DENND1B: variants seen among roughly 807,000 people sequenced by gnomAD.
The protein encoded by DENND1B is DENN domain containing 1B.
Under a neutral mutation model 90.1 loss-of-function variants are expected in DENND1B, and 59 were observed. The observed-to-expected ratio is 0.65, with a 90% CI of 0.53 to 0.81. The LOEUF (loss-of-function observed/expected upper bound fraction) is 0.81. Among genes scored for constraint, DENND1B ranks in the 40% least tolerant of loss-of-function variants. The probability of loss-of-function intolerance (pLI) is 0.00; values close to 1 mark genes in which losing one functional copy is unlikely to be tolerated. For synonymous variants in DENND1B, 337 were observed against 324.6 expected, an observed-to-expected ratio of 1.04 and a Z score of -0.41; for missense variants, 862 against 912.6, an observed-to-expected ratio of 0.94 and a Z score of 0.71.
chr1:197,583,245 G>GGGCTCGGCCGGGCGCGGT lies in DENND1B; in HGVS notation c.1055_1056insACCGCGCCCGGCCGAGCC (p.Pro352_Ile353insProArgProAlaGluPro). On this transcript the variant is annotated inframe_insertion, in exon 15 of 23. Transcript: ENST00000620048. The stretch of plus-strand genomic sequence containing the variant: ...CAAAACTCTCCTCACAGAAAGTGAT[G>GGGCTCGGCCGGGCGCGGT]GGCTCACCCTAGATAGAAATAAAGA... 1 of 1,613,658 alleles carries GGGCTCGGCCGGGCGCGGT rather than the reference G, an allele frequency of 6.2e-7. No individual in the cohort carries two copies. Among genetic ancestry groups the GGGCTCGGCCGGGCGCGGT allele is most frequent in the Non-Finnish European group, 8.5e-7 (1 of 1,179,736 alleles).
chr1:197,661,985 T>C (rs1654449344), intron 5 of DENND1B, among the ~76,000 whole-genome samples: 2 of 152,098 alleles, frequency 1.3e-5, no homozygotes, highest in African/African-American at 4.8e-5. Context: ...ACAGTTTTTA[T>C]TTGTGCTAGG....
chr1:197,640,963 C>G (rs1165197433), intron 10 of DENND1B, among the ~76,000 whole-genome samples: 2 of 152,124 alleles, frequency 1.3e-5, no homozygotes, highest in Non-Finnish European at 2.9e-5. Context: ...AAACAAAATA[C>G]TACCTCATTG....
At chr1:197,587,576 A>G (rs777823220) in intron 14 of DENND1B, among the ~76,000 whole-genome samples, 5 of 152,272 alleles carry the variant, frequency 3.3e-5, no homozygotes, top group Non-Finnish European at 7.4e-5. Context: ...TTATTTTCAT[A>G]TATCTTATCT....
At chr1:197,723,114 T>C (rs1661329422) in intron 2 of DENND1B, among the ~76,000 whole-genome samples, 1 of 152,176 alleles carries the variant, frequency 6.6e-6, no homozygotes, top group Admixed American at 6.5e-5. Flanking sequence ...GAGCAAATAT[T>C]AGCAAATTCT....
At chr1:197,683,506 C>T (rs1656905638) in intron 3 of DENND1B, among the ~76,000 whole-genome samples, 1 of 151,990 alleles carries the variant, frequency 6.6e-6, no homozygotes, top group Non-Finnish European at 1.5e-5. Flanking sequence ...AGGCACAAAA[C>T]TGAGATATAC....
At position 197,578,920 on chromosome 1, in the gene DENND1B, C is replaced by T. The variant is rs139652755; in HGVS notation, c.1149+4232G>A. ...GCTAGAACTACAGGTGTGCACCACACATCCAGCTAATTTTTGTATTTTTTG... is the reference window on the plus strand; with the variant it reads ...GCTAGAACTACAGGTGTGCACCACATATCCAGCTAATTTTTGTATTTTTTG... On this transcript the variant is annotated intron_variant, in intron 15 of 22. Transcript: ENST00000620048. Among the ~76,000 whole-genome samples the T allele has an allele frequency of 5.6e-3, 859 of 152,058 alleles. 10 individuals are homozygous for T. The highest frequency in any genetic ancestry group is 0.019 in the African/African-American group (803 of 41,452).
rs1667687134 is a variant in DENND1B, at chr1:197,505,477, G to A, written c.*4983C>T. 6.6e-6 allele frequency: 1 copy of A among 150,938 alleles called. No homozygotes were observed. Among genetic ancestry groups the A allele is most frequent in the Admixed American group, 6.6e-5 (1 of 15,120 alleles). The allele number at this position is 150,938 out of a possible 1,614,324, so 9.3% of individuals were successfully genotyped here. A position where few individuals can be genotyped will look rare whatever the true frequency, so the allele number is the denominator to read the frequency against. ...TTCCAATATTTTAAAATAAAAGATT[G>A]AATAACTTTACTTCATTCAACTAAA... is the stretch of plus-strand genomic sequence containing the variant. On this transcript the variant is annotated 3_prime_UTR_variant, in exon 23 of 23. Coordinates refer to ENST00000620048, the MANE Select transcript of DENND1B (RefSeq NM_001195215.2).
chr1:197,528,817 G>A (rs555862303), intron 20 of DENND1B, among the ~76,000 whole-genome samples: 3 of 148,698 alleles, frequency 2.0e-5, no homozygotes, highest in Non-Finnish European at 3.0e-5. Context: ...CCGAGATCCC[G>A]CCACTGCACT....
At chr1:197,581,134 C>T (rs1370067048) in intron 15 of DENND1B, among the ~76,000 whole-genome samples, 2 of 152,070 alleles carry the variant, frequency 1.3e-5, no homozygotes, top group Non-Finnish European at 2.9e-5. Flanking sequence ...TATATTTTTT[C>T]AGCCATATGA....
intron 15 of DENND1B, among the ~76,000 whole-genome samples, chr1:197,553,496 C>A (rs1358225393): frequency 6.6e-6 from 1 of 152,096 alleles, no homozygotes; most frequent in Admixed American, 6.6e-5. Flanking sequence ...ACCCATGGGG[C>A]TCTGTCTTCC....
At chr1:197,637,786 AGAT>A (rs1028948996) in intron 10 of DENND1B, among the ~76,000 whole-genome samples, 1 of 152,186 alleles carries the variant, frequency 6.6e-6, no homozygotes, top group African/African-American at 2.4e-5. Flanking sequence ...TTTCCCTGAG[AGAT>A]GATAACAATT....
rs71286564 is a variant in DENND1B, at chr1:197,592,108, C to CAAAAAA, written c.1047+3094_1047+3099dup. Among the ~76,000 whole-genome samples the CAAAAAA allele has an allele frequency of 2.0e-4, 11 of 55,796 alleles. 1 individual carries two copies. Among genetic ancestry groups the CAAAAAA allele is most frequent in the African/African-American group, 4.2e-4 (5 of 12,032 alleles). 36.6% of individuals were successfully genotyped at this position (55,796 alleles called of 152,430 possible). ...TGGGAGACAGAGTGAGATTCCATCT[C>CAAAAAA]AAAAAAAAAAAAAAAAAAAAGCATC... On this transcript the variant is annotated intron_variant, in intron 14 of 22. Transcript: ENST00000620048.
At chr1:197,730,845 T>C (rs1165820146) in intron 2 of DENND1B, among the ~76,000 whole-genome samples, 1 of 152,108 alleles carries the variant, frequency 6.6e-6, no homozygotes, top group Non-Finnish European at 1.5e-5. Context: ...ACACAAGTTG[T>C]TTAATCAGAA....
At chr1:197,690,908 C>T (rs1471390691) in intron 3 of DENND1B, among the ~76,000 whole-genome samples, 2 of 151,394 alleles carry the variant, frequency 1.3e-5, no homozygotes, top group Non-Finnish European at 2.9e-5. Context: ...AACTTTGAAA[C>T]CCATTAAAAT....
chr1:197,598,943 T>C (rs977221811), intron 13 of DENND1B, among the ~76,000 whole-genome samples: 1 of 151,806 alleles, frequency 6.6e-6, no homozygotes, highest in Non-Finnish European at 1.5e-5. Flanking sequence ...TCATTGCTCT[T>C]ATCAAATGTT....
At chr1:197,745,401 C>A (rs1663620296) in intron 2 of DENND1B, among the ~76,000 whole-genome samples, 1 of 151,910 alleles carries the variant, frequency 6.6e-6, no homozygotes, top group Non-Finnish European at 1.5e-5. Context: ...TATCAATTGG[C>A]CTAATTTCAA....
upstream of DENND1B, chr1:197,775,721 T>C (rs1195767153): frequency 6.6e-6 from 1 of 152,308 alleles, no homozygotes; most frequent in Admixed American, 6.5e-5. Context: ...CAAACCGGCT[T>C]CCTTTCTGGG....
At chr1:197,545,803 A>AT (rs201309759) in intron 18 of DENND1B, 119 bp downstream of exon 18, 323 of 852,136 alleles carry the variant, frequency 3.8e-4, no homozygotes, top group Non-Finnish European at 4.7e-4. Flanking sequence ...ATTAATCCTA[A>AT]TTTTTTTTTA....
At chr1:197,556,015 T>G (rs1571863100) in intron 15 of DENND1B, among the ~76,000 whole-genome samples, 2 of 151,986 alleles carry the variant, frequency 1.3e-5, no homozygotes, top group Admixed American at 6.6e-5. Flanking sequence ...ATGGAATACT[T>G]TGCAGCCATA....
Sources: allele counts gnomAD v4.1 joint callset (sites outside exome capture counted in the v4.1 genomes callset), GRCh38; gene constraint gnomAD v4.1.1; transcripts MANE v1.5; gene names NCBI Gene and HGNC (gene_info 2026-07-23, HGNC 2026-07-21).